Variants in CTBP2 observed in about 807,000 individuals in gnomAD.
CTBP2 encodes the protein C-terminal-binding protein 2.
In CTBP2, 30 loss-of-function variants were observed where a neutral mutation model predicts 80.3. The observed-to-expected ratio is 0.37, with a 90% CI of 0.28 to 0.51. CTBP2 has a LOEUF of 0.51. Among genes scored for constraint, CTBP2 ranks in the 20% least tolerant of loss-of-function variants. CTBP2 has a pLI of 0.93. For synonymous variants in CTBP2, 594 were observed against 587.4 expected (o/e 1.01, Z -0.16); for missense variants, 1,212 against 1,375.3 (o/e 0.88, Z 1.88).
intron 2 of CTBP2, among the ~76,000 whole-genome samples, chr10:125,109,330 A>C (rs565060304): frequency 2.0e-5 from 3 of 152,206 alleles, no homozygotes; most frequent in Non-Finnish European, 2.9e-5. Context: ...ATGGTGTCCA[A>C]CTGGAAACAT....
At chr10:125,000,911 T>A (rs1330327722) in intron 3 of CTBP2, 1 of 152,222 alleles carries the variant, frequency 6.6e-6, no homozygotes, top group Non-Finnish European at 1.5e-5. Flanking sequence ...AGAGTCTACA[T>A]TCGAAAAGTG....
intron 1 of CTBP2, among the ~76,000 whole-genome samples, chr10:125,143,563 T>C (rs556905913): frequency 6.6e-6 from 1 of 152,364 alleles, no homozygotes; most frequent in East Asian, 1.9e-4. Context: ...ATTGTATACC[T>C]ATTTTTATTT....
At chr10:125,104,433 T>C (rs1467846069) in intron 2 of CTBP2, among the ~76,000 whole-genome samples, 1 of 152,234 alleles carries the variant, frequency 6.6e-6, no homozygotes, top group Non-Finnish European at 1.5e-5. Context: ...TGCTGTTTCT[T>C]TTAAACAGTA....
chr10:125,096,660 G>T (rs1050169502), intron 2 of CTBP2, among the ~76,000 whole-genome samples: 5 of 151,850 alleles, frequency 3.3e-5, no homozygotes, highest in African/African-American at 9.7e-5. Flanking sequence ...TGTCACCTAA[G>T]ATTATCATAT....
intron 1 of CTBP2, among the ~76,000 whole-genome samples, chr10:125,158,002 T>A (rs555556540): frequency 6.6e-6 from 1 of 152,148 alleles, no homozygotes; most frequent in African/African-American, 2.4e-5. Context: ...AAGAAAAAAA[T>A]TCTGTTTCAA....
Position 124,991,900 on chromosome 10 carries a change from G to A in CTBP2, c.2777+795C>T, listed in dbSNP as rs112739926. ...CTGGGAAGCCAGCAATAATGGGGGG[G>A]GGGGTGTGGGAGAAAACCGATTCGT... On this transcript the variant is annotated intron_variant, in intron 8 of 8. Transcript: ENST00000309035. 1.8e-4 allele frequency among the ~76,000 whole-genome samples: 26 copies of A among 147,400 alleles called. 1 individual carries two copies. The highest frequency in any genetic ancestry group is 6.1e-4 in the African/African-American group (25 of 40,678).
rs78703062 is a variant in CTBP2 at position 124,989,304 on chromosome 10, C to T, written c.*214G>A. ...TTAACACACAATAACAGAAGTTGGT[C>T]GTTAATAAATCACATCCTAGTCTTT... On this transcript the variant is annotated 3_prime_UTR_variant, in exon 9 of 9. Transcript: ENST00000309035. 74 of 581,304 alleles carry T rather than the reference C, an allele frequency of 1.3e-4. 1 individual carries two copies. The South Asian group carries it at 1.3e-3, about 11-fold the overall frequency. 36.0% of individuals were successfully genotyped at this position (581,304 alleles called of 1,614,324 possible). A position where few individuals can be genotyped will look rare whatever the true frequency, so the allele number is the denominator to read the frequency against.
intron 1 of CTBP2, among the ~76,000 whole-genome samples, chr10:125,142,945 G>A (rs750770653): frequency 8.5e-5 from 13 of 152,124 alleles, no homozygotes; most frequent in Non-Finnish European, 1.3e-4. Context: ...AAGGACACGC[G>A]AGCTTGAAAG....
At chr10:125,117,199 A>G (rs914602416) in intron 1 of CTBP2, among the ~76,000 whole-genome samples, 2 of 152,254 alleles carry the variant, frequency 1.3e-5, no homozygotes, top group African/African-American at 4.8e-5. Flanking sequence ...GACGCGCAGT[A>G]CAACGCATTG....
chr10:125,012,317 G>A (rs1956023060), intron 1 of CTBP2, among the ~76,000 whole-genome samples: 2 of 152,238 alleles, frequency 1.3e-5, no homozygotes, highest in African/African-American at 2.4e-5. Context: ...GTGAGGCTCT[G>A]CGACATACCC....
intron 1 of CTBP2, among the ~76,000 whole-genome samples, chr10:125,012,532 T>TTC (rs1428350266): frequency 6.6e-6 from 1 of 152,122 alleles, no homozygotes; most frequent in African/African-American, 2.4e-5. Flanking sequence ...CGCCCTGGGG[T>TTC]TCTCACTCCC....
chr10:125,046,002 C>T (rs1028073312), intron 2 of CTBP2, among the ~76,000 whole-genome samples: 1 of 152,062 alleles, frequency 6.6e-6, no homozygotes, highest in African/African-American at 2.4e-5. Flanking sequence ...GTAGCCAACA[C>T]AGGGCTACAA....
chr10:124,999,902 C>G (rs1387340687), intron 3 of CTBP2: 1 of 152,260 alleles, frequency 6.6e-6, no homozygotes, highest in African/African-American at 2.4e-5. Flanking sequence ...GCAGAATCAC[C>G]CTCAAGGACG....
intron 1 of CTBP2, among the ~76,000 whole-genome samples, chr10:125,151,871 G>T (rs1057251178): frequency 6.6e-6 from 1 of 152,180 alleles, no homozygotes; most frequent in African/African-American, 2.4e-5. Flanking sequence ...GAGCGGCCCC[G>T]CCCAGCACAA....
intron 1 of CTBP2, among the ~76,000 whole-genome samples, chr10:125,134,735 G>C (rs376691165): frequency 6.6e-6 from 1 of 152,056 alleles, no homozygotes; most frequent in Non-Finnish European, 1.5e-5. Context: ...CCACCTCTGC[G>C]GGTCCTTGGG....
At chr10:125,138,456 G>C (rs1258539093) in intron 1 of CTBP2, among the ~76,000 whole-genome samples, 2 of 152,156 alleles carry the variant, frequency 1.3e-5, no homozygotes, top group East Asian at 3.8e-4. Context: ...TGGTGAAAAT[G>C]ACCTTCGGCA....
At chr10:125,070,233 C>T (rs768295580) in intron 2 of CTBP2, among the ~76,000 whole-genome samples, 2 of 152,126 alleles carry the variant, frequency 1.3e-5, no homozygotes, top group Admixed American at 6.5e-5. Flanking sequence ...TGCCTGCAGG[C>T]CCAGATACTT....
chr10:125,145,111 ATCT>A (rs1403135402), intron 1 of CTBP2, among the ~76,000 whole-genome samples: 2 of 152,208 alleles, frequency 1.3e-5, no homozygotes, highest in East Asian at 3.8e-4. Flanking sequence ...GTTATATAAA[ATCT>A]TCTTTCAACC....
intron 2 of CTBP2, among the ~76,000 whole-genome samples, chr10:125,103,400 G>GTTC (rs1297651416): frequency 6.6e-6 from 1 of 152,186 alleles, no homozygotes; most frequent in Non-Finnish European, 1.5e-5. Context: ...ACTCTGGAAG[G>GTTC]TTCTAAGTTC....
Sources: gnomAD v4.1 joint callset for allele counts (sites outside exome capture counted in the v4.1 genomes callset) on GRCh38, gnomAD v4.1.1 for gene constraint, MANE v1.5 for transcripts, NCBI Gene and HGNC (gene_info 2026-07-23, HGNC 2026-07-21) for gene names.